The following WDPCP variants were observed in gnomAD, a reference collection of about 807,000 sequenced individuals.
The protein encoded by WDPCP is WD repeat containing planar cell polarity effector, also known as WD repeat-containing and planar cell polarity effector protein fritz homolog.
WDPCP carries 71 observed loss-of-function variants against 93.1 expected under a neutral mutation model. The ratio of observed to expected loss-of-function variants is 0.76; its 90% CI spans 0.63 to 0.93. The LOEUF is 0.93. WDPCP is among the 40% of genes least tolerant of loss of function. WDPCP has a pLI of 0.00. For missense variants in WDPCP, 844 were observed against 887.4 expected, an observed-to-expected ratio of 0.95 and a Z score of 0.62; for synonymous variants, 315 against 315.0, an observed-to-expected ratio of 1.00 and a Z score of 0.00.
intron 2 of WDPCP, among the ~76,000 whole-genome samples, chr2:63,760,070 G>A (rs572458881): frequency 2.0e-5 from 3 of 152,198 alleles, no homozygotes; most frequent in South Asian, 2.1e-4. Flanking sequence ...AAGGTGGTGG[G>A]AGGCAGGACT....
intron 12 of WDPCP, among the ~76,000 whole-genome samples, chr2:63,363,625 A>G (rs1453153924): frequency 4.6e-5 from 7 of 152,190 alleles, no homozygotes; most frequent in Non-Finnish European, 5.9e-5. Flanking sequence ...ATTTAATTTT[A>G]CTTAAAAAAG....
rs1219436156 is a variant in WDPCP at position 63,605,783 on chromosome 2, T to TA, written n.488+44875dup. On this transcript the variant is annotated intron_variant and non_coding_transcript_variant, in intron 3 of 4. Transcript: ENST00000467687. ...GGAATGAAATAATATCCATGAAAGTTACCTTGTCACCAGTACCTGGTGCTG... is the reference window on the plus strand; with the variant it reads ...GGAATGAAATAATATCCATGAAAGTTAACCTTGTCACCAGTACCTGGTGCTG... 131 of 667,908 alleles carry TA rather than the reference T, an allele frequency of 2.0e-4. 1 individual carries two copies. In the East Asian group the frequency reaches 3.4e-3, roughly 17 times the overall value. The allele number at this position is 667,908 out of a possible 1,614,324, so 41.4% of individuals were successfully genotyped here.
chr2:63,687,940 T>C (rs1339717309), intron 2 of WDPCP, among the ~76,000 whole-genome samples: 5 of 152,198 alleles, frequency 3.3e-5, no homozygotes, highest in African/African-American at 1.2e-4. Context: ...GCATCCCAAG[T>C]GTCCATCAAC....
intron 1 of WDPCP, among the ~76,000 whole-genome samples, chr2:63,547,643 G>A (rs1705250980): frequency 6.6e-6 from 1 of 151,542 alleles, no homozygotes; most frequent in Non-Finnish European, 1.5e-5. Context: ...TCTGTCATTT[G>A]CAGCAACATA....
chr2:63,738,489 G>A (rs1323329158), intron 2 of WDPCP, among the ~76,000 whole-genome samples: 1 of 151,814 alleles, frequency 6.6e-6, no homozygotes, highest in Non-Finnish European at 1.5e-5. Context: ...AATGAGAAAG[G>A]CCAGAATGCT....
At chr2:63,790,960 A>T (rs1670534967) in intron 2 of WDPCP, among the ~76,000 whole-genome samples, 1 of 152,030 alleles carries the variant, frequency 6.6e-6, no homozygotes, top group Non-Finnish European at 1.5e-5. Flanking sequence ...ATAATTAAGG[A>T]CTCTTTTTTA....
intron 1 of WDPCP, among the ~76,000 whole-genome samples, chr2:63,566,875 C>A (rs1707103922): frequency 6.6e-6 from 1 of 152,188 alleles, no homozygotes; most frequent in African/African-American, 2.4e-5. Flanking sequence ...CTGTAATTTG[C>A]TAGAATGGCT....
At chr2:63,127,880 CTG>C (rs1670030275) in intron 17 of WDPCP, among the ~76,000 whole-genome samples, 1 of 151,942 alleles carries the variant, frequency 6.6e-6, no homozygotes, top group Admixed American at 6.6e-5. Context: ...TGGCTCACGA[CTG>C]TAATCCCAGC....
intron 2 of WDPCP, among the ~76,000 whole-genome samples, chr2:63,812,268 C>T (rs376400549): frequency 1.1e-4 from 16 of 152,134 alleles, no homozygotes; most frequent in South Asian, 4.2e-4. Context: ...TTTATGGCAC[C>T]GTTCTATTGT....
chr2:63,643,393 A>C (rs1710006534), intron 3 of WDPCP: 2 of 343,796 alleles, frequency 5.8e-6, no homozygotes, highest in Non-Finnish European at 1.1e-5. Flanking sequence ...AATGTTGGAA[A>C]GGTGGGTGAC....
intron 3 of WDPCP, among the ~76,000 whole-genome samples, chr2:63,631,969 G>C (rs935069554): frequency 2.0e-5 from 3 of 152,202 alleles, no homozygotes; most frequent in Admixed American, 2.0e-4. Context: ...AACAGTCATT[G>C]CTGCCACAGA....
chr2:63,409,472 A>G (rs1350159080), intron 9 of WDPCP, among the ~76,000 whole-genome samples: 2 of 152,194 alleles, frequency 1.3e-5, no homozygotes, highest in Non-Finnish European at 2.9e-5. Flanking sequence ...CAACTCTGGT[A>G]ACAGGACACA....
chr2:63,384,568 G>T (rs972271828), intron 10 of WDPCP, among the ~76,000 whole-genome samples: 4 of 151,888 alleles, frequency 2.6e-5, no homozygotes, highest in Non-Finnish European at 5.9e-5. Flanking sequence ...GTCTTCACTG[G>T]TGAATTCTCT....
intron 2 of WDPCP, among the ~76,000 whole-genome samples, chr2:63,715,786 CAGG>C (rs1425237619): frequency 2.6e-5 from 4 of 152,174 alleles, no homozygotes; most frequent in African/African-American, 7.2e-5. Context: ...TTCTCAGCAT[CAGG>C]AGGTGTCAGG....
At position 63,404,117 on chromosome 2, in the gene WDPCP, T is replaced by C. The variant is rs770094615; in HGVS notation, c.1366A>G (p.Ser456Gly). ...PQVVSQKGEG[S>G]DIYDLLFLRF... is the part of the protein sequence containing the mutation. ...AGGAAGAGGAGATCATAGATATCAC[T>C]ACCTTCACCCTTCTGAGAAACAACC... Residue 456 changes from serine to glycine, a missense_variant, in exon 10 of 18, where the codon AGT (serine) becomes GGT (glycine). Coordinates refer to ENST00000272321, the MANE Select transcript of WDPCP (RefSeq NM_015910.7). The C allele has an allele frequency of 6.2e-7, 1 of 1,614,146 alleles. No homozygotes were observed. Among genetic ancestry groups the C allele is most frequent in the East Asian group, 2.2e-5 (1 of 44,880 alleles).
In WDPCP at chr2:63,244,984, C is replaced by CA. The variant is rs201439478; in HGVS notation, c.1915+14322dup. Among the ~76,000 whole-genome samples, 1,239 of 152,176 alleles carry CA rather than the reference C, an allele frequency of 8.1e-3. 8 individuals carry two copies. The highest frequency in any genetic ancestry group is 0.013 in the Non-Finnish European group (881 of 68,000). ...CAAAAATCCAAAATCTGAAGTGATC[C>CA]AAAACCTCATATTTTTTTGAGTGCC... On this transcript the variant is annotated intron_variant, in intron 14 of 17. Transcript: ENST00000272321.
chr2:63,351,252 G>A (rs1689589910), intron 12 of WDPCP, among the ~76,000 whole-genome samples: 1 of 152,114 alleles, frequency 6.6e-6, no homozygotes, highest in African/African-American at 2.4e-5. Context: ...AAAGTGCTGG[G>A]ATTATAGGCA....
rs746261282 is a variant in WDPCP, at chr2:63,439,748, G to A, written c.499+9C>T. ...TGTAGGCAATTGATTTGCACATGGGGGTAATTACCATCACTGATGGTGTCT... is the reference window on the plus strand; with the variant it reads ...TGTAGGCAATTGATTTGCACATGGGAGTAATTACCATCACTGATGGTGTCT... On this transcript the variant is annotated intron_variant, in intron 7 of 17. Transcript: ENST00000272321. The A allele has an allele frequency of 1.5e-5, 24 of 1,608,466 alleles. No individual in the cohort carries two copies. The East Asian group carries it at 2.9e-4, about 19-fold the overall frequency.
chr2:63,356,433 T>C (rs997485361), intron 12 of WDPCP, among the ~76,000 whole-genome samples: 1 of 152,216 alleles, frequency 6.6e-6, no homozygotes, highest in Admixed American at 6.5e-5. Flanking sequence ...ATGGATGTGA[T>C]AGACCTTTAA....
Sources: gnomAD v4.1 joint callset for allele counts (sites outside exome capture counted in the v4.1 genomes callset) on GRCh38, gnomAD v4.1.1 for gene constraint, MANE v1.5 for transcripts, NCBI Gene and HGNC (gene_info 2026-07-23, HGNC 2026-07-21) for gene names.